COL15A1: variants seen among roughly 807,000 people sequenced by gnomAD.
COL15A1 encodes collagen type XV alpha 1 chain.
Under a neutral mutation model 165.9 loss-of-function variants are expected in COL15A1, and 111 were observed. The ratio of observed to expected loss-of-function variants is 0.67; its 90% CI spans 0.57 to 0.78. The LOEUF (loss-of-function observed/expected upper bound fraction) is 0.78, where lower values mean the gene tolerates loss of function less well. Among genes scored for constraint, COL15A1 ranks in the 30% least tolerant of loss-of-function variants. The pLI is 0.00. For synonymous variants in COL15A1, 659 were observed against 674.8 expected (o/e 0.98, Z 0.36); for missense variants, 1,745 against 1,789.7 (o/e 0.98, Z 0.45).
intron 2 of COL15A1, among the ~76,000 whole-genome samples, chr9:98,950,464 TTCCC>T (rs1564004493): frequency 6.8e-6 from 1 of 147,892 alleles, no homozygotes; most frequent in African/African-American, 2.5e-5. Context: ...CCCTCCTTCC[TTCCC>T]TCCCTCCCTT....
intron 5 of COL15A1, among the ~76,000 whole-genome samples, chr9:98,992,342 G>T (rs574611026): frequency 1.3e-5 from 2 of 152,250 alleles, no homozygotes; most frequent in Non-Finnish European, 2.9e-5. Context: ...GCAGCTGCTG[G>T]CCTGGGTGCT....
rs768330093 is a variant in COL15A1 at position 99,036,335 on chromosome 9, C to A, written c.2348C>A (p.Ala783Asp). ...CAGGGAGAAAGGGGGATGGATGGAG[C>A]CAGTATTGTGGGACCCCCTGGGCCG... ...GPKGERGMDG[A>D]SIVGPPGPRG... is the part of the protein sequence containing the mutation. The change falls in exon 21 of 42, where the codon GCC (alanine) becomes GAC (aspartate). Residue 783 changes from alanine (A) to aspartate (D), a missense_variant. Physicochemically the swap from Ala to Asp is moderately radical, Grantham distance 126. Transcript: ENST00000375001. 6.2e-7 allele frequency: 1 copy of A among 1,613,998 alleles called. No individual in the cohort carries two copies. Among genetic ancestry groups the A allele is most frequent in the Non-Finnish European group, 8.5e-7 (1 of 1,180,030 alleles).
In COL15A1 at chr9:99,054,666, C is replaced by T. The variant is rs1023835894; in HGVS notation, c.3031+10C>T. 2 of 1,600,470 alleles carry T rather than the reference C, an allele frequency of 1.2e-6. No individual in the cohort carries two copies. The highest frequency in any genetic ancestry group is 1.7e-6 in the Non-Finnish European group (2 of 1,176,110). ...GCCCAGGGACCACCAGGTATTCCAG[C>T]TCTTGTTCTCAATCTTGCCTTTGAT... On this transcript the variant is annotated intron_variant, in intron 32 of 41. Coordinates refer to ENST00000375001, the MANE Select transcript of COL15A1 (RefSeq NM_001855.5).
At chr9:98,971,300 C>A (rs995574343) in intron 2 of COL15A1, among the ~76,000 whole-genome samples, 23 of 152,154 alleles carry the variant, frequency 1.5e-4, no homozygotes, top group Non-Finnish European at 4.4e-5. Flanking sequence ...CCTTTTTCTC[C>A]GTGCCATTTT....
At chr9:99,067,603 T>C (rs1825915581) in intron 40 of COL15A1, among the ~76,000 whole-genome samples, 1 of 152,196 alleles carries the variant, frequency 6.6e-6, no homozygotes, top group African/African-American at 2.4e-5. Flanking sequence ...GAAACCTCGT[T>C]GCCACTCACA....
chr9:98,945,100 G>T lies in COL15A1; in HGVS notation c.100+850G>T, dbSNP rs530376711. On this transcript the variant is annotated intron_variant, in intron 2 of 41. Transcript: ENST00000375001. ...AAATTAGAAATAATGTGCTTCCCAT[G>T]ATTCCAGTATATACTAGGCACAAAA... Among the ~76,000 whole-genome samples, 11 of 152,178 alleles carry T rather than the reference G, an allele frequency of 7.2e-5. No homozygotes were observed. The East Asian group carries it at 2.1e-3, about 29-fold the overall frequency.
rs1272784829 is a variant in COL15A1 at position 99,047,411 on chromosome 9, G to A, written c.2680-375G>A. On this transcript the variant is annotated intron_variant, in intron 26 of 41. Coordinates refer to ENST00000375001, the MANE Select transcript of COL15A1 (RefSeq NM_001855.5). ...GAATGGGGGATGCGATAAGCCCTGG[G>A]ACATAAGACCTAGGGCAGAGGTCCA... Among the ~76,000 whole-genome samples the A allele has an allele frequency of 2.0e-5, 3 of 152,196 alleles. No homozygotes were observed. In the East Asian group the frequency reaches 5.8e-4, roughly 29 times the overall value.
At chr9:99,022,253 C>T in intron 13 of COL15A1, 103 bp downstream of exon 13, 1 of 1,471,552 alleles carries the variant, frequency 6.8e-7, no homozygotes, top group South Asian at 1.2e-5. Context: ...CCCAAAGTAT[C>T]TTGCAGTCAG....
At chr9:99,010,501 C>T (rs1166393387) in intron 9 of COL15A1, among the ~76,000 whole-genome samples, 1 of 152,214 alleles carries the variant, frequency 6.6e-6, no homozygotes, top group East Asian at 1.9e-4. Flanking sequence ...AAGAAGGGGT[C>T]AGCTGCTTAG....
intron 36 of COL15A1, among the ~76,000 whole-genome samples, 189 bp downstream of exon 36, chr9:99,060,142 GA>G (rs10709284): frequency 0.3 from 44,819 of 150,962 alleles, 7,828 homozygotes; most frequent in East Asian, 0.62. Flanking sequence ...AAAAAGACGT[GA>G]AAAAACAAAA....
intron 2 of COL15A1, among the ~76,000 whole-genome samples, chr9:98,973,382 T>G (rs1259740540): frequency 2.0e-5 from 3 of 152,184 alleles, no homozygotes; most frequent in African/African-American, 7.2e-5. Flanking sequence ...AAAATGCTCT[T>G]CTGTAATTCA....
chr9:98,959,344 A>G (rs1208186022), intron 2 of COL15A1, among the ~76,000 whole-genome samples: 1 of 151,400 alleles, frequency 6.6e-6, no homozygotes, highest in African/African-American at 2.4e-5. Flanking sequence ...AGCCCAGGAG[A>G]CCACCATGCC....
chr9:98,986,226 A>G (rs1300864077), intron 3 of COL15A1, 114 bp downstream of exon 3: 2 of 853,822 alleles, frequency 2.3e-6, no homozygotes, highest in East Asian at 2.7e-5. Flanking sequence ...TCAAAGAAGC[A>G]TGCGTGTTAT....
At chr9:98,950,717 C>CA (rs1257231486) in intron 2 of COL15A1, among the ~76,000 whole-genome samples, 1 of 151,816 alleles carries the variant, frequency 6.6e-6, no homozygotes, top group African/African-American at 2.4e-5. Context: ...CAGGTTCAAG[C>CA]AATTCTCCTG....
intron 5 of COL15A1, among the ~76,000 whole-genome samples, chr9:98,990,085 C>T (rs1029549615): frequency 6.6e-6 from 1 of 152,198 alleles, no homozygotes; most frequent in African/African-American, 2.4e-5. Flanking sequence ...GATTACAGAC[C>T]TTGGGCAGCA....
chr9:99,007,818 AAAG>A (rs1162506122), intron 9 of COL15A1, among the ~76,000 whole-genome samples: 2 of 152,218 alleles, frequency 1.3e-5, no homozygotes, highest in African/African-American at 2.4e-5. Context: ...AAAAAATGGA[AAAG>A]AAGAAGAAGA....
At chr9:99,031,364 A>G (rs1839211109) in intron 16 of COL15A1, among the ~76,000 whole-genome samples, 1 of 152,108 alleles carries the variant, frequency 6.6e-6, no homozygotes. Flanking sequence ...CCCAGGTGAG[A>G]GGCATTTGTC....
chr9:99,009,864 T>G (rs1838822197), intron 9 of COL15A1, among the ~76,000 whole-genome samples: 1 of 152,240 alleles, frequency 6.6e-6, no homozygotes, highest in African/African-American at 2.4e-5. Flanking sequence ...TTTTATAACC[T>G]TTATAACCTT....
intron 26 of COL15A1, among the ~76,000 whole-genome samples, chr9:99,047,493 C>A (rs541634605): frequency 1.3e-5 from 2 of 152,326 alleles, no homozygotes; most frequent in Admixed American, 6.5e-5. Flanking sequence ...GAGCTACTGA[C>A]CTCTTGCTCC....
Sources: allele counts gnomAD v4.1 joint callset (sites outside exome capture counted in the v4.1 genomes callset), GRCh38; gene constraint gnomAD v4.1.1; transcripts MANE v1.5; gene names NCBI Gene and HGNC (gene_info 2026-07-23, HGNC 2026-07-21).